PRKG1: variants seen among roughly 807,000 people sequenced by gnomAD.
The protein encoded by PRKG1 is cGMP-dependent protein kinase 1.
PRKG1 carries 35 observed loss-of-function variants against 88.1 expected under a neutral mutation model. The ratio of observed to expected loss-of-function variants is 0.40; its 90% CI spans 0.30 to 0.53. The LOEUF (loss-of-function observed/expected upper bound fraction) is 0.53. PRKG1 is among the 20% of genes least tolerant of loss of function. The pLI, the probability that PRKG1 is intolerant of heterozygous loss-of-function variation, is 0.59. For missense variants in PRKG1, 540 were observed against 839.8 expected, an observed-to-expected ratio of 0.64 and a Z score of 4.41; for synonymous variants, 303 against 292.5, an observed-to-expected ratio of 1.04 and a Z score of -0.37.
chr10:51,527,170 CAT>C (rs924048880), intron 3 of PRKG1, among the ~76,000 whole-genome samples: 48 of 151,972 alleles, frequency 3.2e-4, no homozygotes, highest in African/African-American at 1.1e-3. Context: ...AAAGGTGAAA[CAT>C]ATGACTTTAT....
At chr10:52,018,716 C>A (rs1158161798) in intron 5 of PRKG1, among the ~76,000 whole-genome samples, 4 of 152,098 alleles carry the variant, frequency 2.6e-5, no homozygotes, top group African/African-American at 9.7e-5. Flanking sequence ...CAGAGTAAAA[C>A]AGGTCAAGAG....
chr10:52,073,729 C>G (rs1462628380), intron 7 of PRKG1, among the ~76,000 whole-genome samples: 1 of 151,966 alleles, frequency 6.6e-6, no homozygotes, highest in East Asian at 1.9e-4. Flanking sequence ...ATTATATGGA[C>G]CTTAATTAAA....
At chr10:52,059,145 T>C (rs1345002985) in intron 6 of PRKG1, among the ~76,000 whole-genome samples, 2 of 151,956 alleles carry the variant, frequency 1.3e-5, no homozygotes, top group African/African-American at 2.4e-5. Context: ...TGGCTAACTC[T>C]AAAAACAAAA....
At chr10:51,585,281 C>A (rs563318702) in intron 3 of PRKG1, among the ~76,000 whole-genome samples, 1 of 152,156 alleles carries the variant, frequency 6.6e-6, no homozygotes, top group South Asian at 2.1e-4. Context: ...TAGGATCATG[C>A]TCCTTTGCAT....
intron 5 of PRKG1, among the ~76,000 whole-genome samples, chr10:51,969,333 T>C (rs16925331): frequency 0.048 from 7,284 of 152,148 alleles, 418 homozygotes; most frequent in African/African-American, 0.14. Flanking sequence ...AAAGAAAAGG[T>C]GGAACTGTGA....
chr10:51,983,662 T>A (rs967565306), intron 5 of PRKG1, among the ~76,000 whole-genome samples: 32 of 152,136 alleles, frequency 2.1e-4, no homozygotes, highest in African/African-American at 6.8e-4. Context: ...CTACAGACAC[T>A]CCCACACCAA....
chr10:51,566,104 G>C (rs1231895300), intron 3 of PRKG1, among the ~76,000 whole-genome samples: 1 of 152,172 alleles, frequency 6.6e-6, no homozygotes, highest in East Asian at 1.9e-4. Context: ...CCAGAAACAA[G>C]GCTTAAGTGC....
chr10:51,416,043 C>T (rs1246152796), intron 2 of PRKG1, among the ~76,000 whole-genome samples: 1 of 152,020 alleles, frequency 6.6e-6, no homozygotes, highest in Non-Finnish European at 1.5e-5. Flanking sequence ...TTTAGATCGA[C>T]ACCACATGAG....
intron 2 of PRKG1, among the ~76,000 whole-genome samples, chr10:51,369,172 CTG>C (rs1842650193): frequency 3.3e-5 from 5 of 152,118 alleles, no homozygotes; most frequent in Non-Finnish European, 1.5e-5. Flanking sequence ...TTAGAAGCGA[CTG>C]TTTCTGAATG....
intron 2 of PRKG1, among the ~76,000 whole-genome samples, chr10:51,435,429 T>TATATATATATGTCATATGAC (rs1210129136): frequency 2.2e-5 from 3 of 139,500 alleles, no homozygotes; most frequent in African/African-American, 9.6e-5. Flanking sequence ...TACTGACATA[T>TATATATATATGTCATATGAC]ATATATATAT....
chr10:51,236,659 T>C (rs1367143570), intron 2 of PRKG1, among the ~76,000 whole-genome samples: 3 of 151,936 alleles, frequency 2.0e-5, no homozygotes, highest in Admixed American at 6.6e-5. Context: ...TGCGCCACCA[T>C]GCCCAGCTAA....
chr10:51,117,332 T>A (rs1845151906), intron 1 of PRKG1, among the ~76,000 whole-genome samples: 1 of 152,230 alleles, frequency 6.6e-6, no homozygotes, highest in South Asian at 2.1e-4. Context: ...TACATTCTTG[T>A]TATATTCTAT....
chr10:52,260,740 T>C (rs964462999), intron 10 of PRKG1, among the ~76,000 whole-genome samples: 2 of 152,060 alleles, frequency 1.3e-5, no homozygotes, highest in African/African-American at 4.8e-5. Context: ...AAGTGTATTA[T>C]AGGTAATAAA....
At chr10:51,677,397 G>A (rs1279491352) in intron 3 of PRKG1, among the ~76,000 whole-genome samples, 1 of 152,078 alleles carries the variant, frequency 6.6e-6, no homozygotes, top group Non-Finnish European at 1.5e-5. Context: ...TTTTAAAGTG[G>A]AAGTGACTTG....
chr10:51,171,027 G>A (rs9415760), intron 2 of PRKG1, among the ~76,000 whole-genome samples: 9,970 of 151,958 alleles, frequency 0.066, 676 homozygotes, highest in African/African-American at 0.17. Context: ...ATGATGACTC[G>A]GACTAAGGTC....
At chr10:51,103,910 G>C (rs950675753) in intron 1 of PRKG1, among the ~76,000 whole-genome samples, 3 of 152,162 alleles carry the variant, frequency 2.0e-5, no homozygotes, top group African/African-American at 7.2e-5. Context: ...AAAACAAAAT[G>C]CTCTTCAGAA....
At chr10:51,967,623 A>G (rs1031288701) in intron 5 of PRKG1, among the ~76,000 whole-genome samples, 17 of 151,952 alleles carry the variant, frequency 1.1e-4, no homozygotes, top group Admixed American at 3.3e-4. Context: ...GCCTCAGCCC[A>G]TTGGCCTTGA....
intron 2 of PRKG1, among the ~76,000 whole-genome samples, chr10:51,350,194 T>C (rs1842209253): frequency 6.6e-6 from 1 of 152,192 alleles, no homozygotes; most frequent in South Asian, 2.1e-4. Context: ...ATTCATCCAG[T>C]CAGACTCACA....
chr10:51,407,432 G>A (rs939579265), intron 2 of PRKG1, among the ~76,000 whole-genome samples: 7 of 152,140 alleles, frequency 4.6e-5, no homozygotes, highest in Non-Finnish European at 8.8e-5. Flanking sequence ...TAAATATTAT[G>A]TCACATAAAG....
Sources: gnomAD v4.1 joint callset for allele counts (sites outside exome capture counted in the v4.1 genomes callset) on GRCh38, gnomAD v4.1.1 for gene constraint, MANE v1.5 for transcripts, NCBI Gene and HGNC (gene_info 2026-07-23, HGNC 2026-07-21) for gene names.